Variants in ZMYND11 observed in about 807,000 individuals in gnomAD.
The protein encoded by ZMYND11 is zinc finger MYND-type containing 11.
A neutral mutation model predicts 84.9 loss-of-function variants in ZMYND11; 9 were observed. That is an observed-to-expected ratio of 0.11 (90% CI 0.06 to 0.18). ZMYND11 has a LOEUF of 0.18. Ranked by LOEUF, ZMYND11 falls within the 10% of genes least tolerant of loss-of-function variation. ZMYND11 has a pLI of 1.00. For synonymous variants in ZMYND11, 250 were observed against 244.1 expected (o/e 1.02, Z -0.23); for missense variants, 409 against 761.0 (o/e 0.54, Z 5.44).
At chr10:249,745 C>T (rs1279758044) in intron 14 of ZMYND11, 1 of 985,232 alleles carries the variant, frequency 1.0e-6, no homozygotes, top group East Asian at 1.1e-4. Context: ...AAGCTCATAA[C>T]TTGGTTTCAG....
chr10:213,344 G>A (rs1465962358), intron 3 of ZMYND11, among the ~76,000 whole-genome samples: 4 of 152,096 alleles, frequency 2.6e-5, no homozygotes, highest in Non-Finnish European at 5.9e-5. Context: ...TTTGAGTCTG[G>A]GGCCCATGCT....
intron 1 of ZMYND11, among the ~76,000 whole-genome samples, chr10:155,924 C>T (rs1263585167): frequency 6.6e-6 from 1 of 152,094 alleles, no homozygotes; most frequent in East Asian, 1.9e-4. Context: ...TTTGAGAAAC[C>T]TATATACAGT....
At chr10:179,901 A>G (rs1847470487) in intron 1 of ZMYND11, 93 bp from the exon 2 acceptor site, 4 of 663,134 alleles carry the variant, frequency 6.0e-6, no homozygotes, top group East Asian at 5.7e-5. Flanking sequence ...AGTATAATCA[A>G]TAGTTGAGAG....
upstream of ZMYND11, among the ~76,000 whole-genome samples, chr10:132,983 G>A (rs1554750247): frequency 6.6e-6 from 1 of 152,182 alleles, no homozygotes; most frequent in Non-Finnish European, 1.5e-5. Context: ...TACTAGCACA[G>A]CAATTAGTTA....
intron 1 of ZMYND11, among the ~76,000 whole-genome samples, chr10:140,421 C>G (rs1292479132): frequency 4.6e-5 from 7 of 152,110 alleles, no homozygotes; most frequent in African/African-American, 1.7e-4. Context: ...TAGTTTGTAT[C>G]ATGGAAATGC....
intron 9 of ZMYND11, among the ~76,000 whole-genome samples, chr10:241,697 C>A (rs1167022170): frequency 6.6e-6 from 1 of 152,072 alleles, no homozygotes. Flanking sequence ...TAAAATTTCC[C>A]CATTTCTAAC....
At chr10:245,324 T>A (rs948953270) in intron 10 of ZMYND11, among the ~76,000 whole-genome samples, 1 of 152,180 alleles carries the variant, frequency 6.6e-6, no homozygotes, top group Non-Finnish European at 1.5e-5. Context: ...GCTTCTAGAT[T>A]ATAAAGCTTG....
intron 10 of ZMYND11, among the ~76,000 whole-genome samples, chr10:243,716 T>C (rs1411656913): frequency 6.6e-6 from 1 of 152,062 alleles, no homozygotes; most frequent in Non-Finnish European, 1.5e-5. Context: ...ATATGAAAAA[T>C]TAGCCATGCG....
At position 180,178 on chromosome 10, in the gene ZMYND11, T is replaced by C. The variant is rs753139536; in HGVS notation, c.116+50T>C. 12 of 1,512,612 alleles carry C rather than the reference T, an allele frequency of 7.9e-6. No individual in the cohort carries two copies. In the Admixed American group the frequency reaches 2.0e-4, roughly 26 times the overall value. 93.7% of individuals were successfully genotyped at this position (1,512,612 alleles called of 1,614,324 possible). A position where few individuals can be genotyped will look rare whatever the true frequency, so the allele number is the denominator to read the frequency against. On this transcript the variant is annotated intron_variant, in intron 2 of 14. Transcript: ENST00000381604. ...CTCTGTAAAATGTCGTAGAAGACTT[T>C]GGGGGAAAGGCCAAAAAAAATTTTA...
At chr10:171,069 G>A (rs1554765550) in intron 1 of ZMYND11, among the ~76,000 whole-genome samples, 7 of 152,112 alleles carry the variant, frequency 4.6e-5, no homozygotes, top group Non-Finnish European at 1.5e-5. Flanking sequence ...AGTTATAAGG[G>A]ATAAAGGTGG....
intron 2 of ZMYND11, chr10:198,072 C>A: frequency 2.1e-6 from 1 of 481,608 alleles, no homozygotes; most frequent in South Asian, 3.5e-5. Flanking sequence ...TAAAAAGATT[C>A]AAGCAAGCTG....
At chr10:239,405 T>C in intron 6 of ZMYND11, 33 bp from the exon 7 acceptor site, 4 of 1,576,494 alleles carry the variant, frequency 2.5e-6, no homozygotes, top group African/African-American at 1.4e-5. Context: ...TACTGGTAAC[T>C]CTTTTCGTCA....
At chr10:226,381 AT>A (rs1165618789) in intron 4 of ZMYND11, among the ~76,000 whole-genome samples, 1 of 152,110 alleles carries the variant, frequency 6.6e-6, no homozygotes, top group Non-Finnish European at 1.5e-5. Context: ...CAAAGTGTAG[AT>A]TTTTTTCCCC....
intron 3 of ZMYND11, among the ~76,000 whole-genome samples, chr10:216,780 A>G (rs902729328): frequency 4.0e-5 from 6 of 151,794 alleles, no homozygotes; most frequent in African/African-American, 1.5e-4. Context: ...ATACTCTTTT[A>G]AGTTTATTAT....
chr10:166,609 G>A (rs1844075880), intron 1 of ZMYND11, among the ~76,000 whole-genome samples: 2 of 152,100 alleles, frequency 1.3e-5, no homozygotes, highest in South Asian at 4.1e-4. Context: ...TGGTAAAAAT[G>A]TGGAGAAATT....
chr10:154,509 C>T (rs73581728), intron 1 of ZMYND11, among the ~76,000 whole-genome samples: 2,697 of 152,062 alleles, frequency 0.018, 88 homozygotes, highest in African/African-American at 0.063. Context: ...TCACGGAGGC[C>T]CCAGCTGGGA....
At chr10:198,589 A>G (rs1246722911) in intron 2 of ZMYND11, among the ~76,000 whole-genome samples, 1 of 152,204 alleles carries the variant, frequency 6.6e-6, no homozygotes, top group African/African-American at 2.4e-5. Context: ...TTTTAGTGTT[A>G]TGAAAACTAA....
At chr10:189,515 TATTG>T (rs1939741607) in intron 2 of ZMYND11, among the ~76,000 whole-genome samples, 1 of 152,200 alleles carries the variant, frequency 6.6e-6, no homozygotes. Context: ...TTTCCATCTA[TATTG>T]ATTGTTTCTT....
intron 5 of ZMYND11, among the ~76,000 whole-genome samples, chr10:237,352 G>C (rs1193131239): frequency 6.6e-6 from 1 of 152,166 alleles, no homozygotes. Flanking sequence ...TTTAAAGGTA[G>C]AAAATATTGG....
Sources: allele counts gnomAD v4.1 joint callset (sites outside exome capture counted in the v4.1 genomes callset), GRCh38; gene constraint gnomAD v4.1.1; transcripts MANE v1.5; gene names NCBI Gene and HGNC (gene_info 2026-07-23, HGNC 2026-07-21).